Variants in KIF26B observed in about 807,000 individuals in gnomAD.
The protein encoded by KIF26B is kinesin family member 26B.
KIF26B carries 63 observed loss-of-function variants against 151.2 expected under a neutral mutation model. The observed-to-expected ratio is 0.42, with a 90% confidence interval of 0.34 to 0.51. The LOEUF is 0.51. Among genes scored for constraint, KIF26B ranks in the 20% least tolerant of loss-of-function variants. The probability of loss-of-function intolerance (pLI) is 0.07; values close to 1 mark genes in which losing one functional copy is unlikely to be tolerated. For synonymous variants in KIF26B, 1,357 were observed against 1,262.1 expected (o/e 1.08, Z -1.59); for missense variants, 2,813 against 2,913.6 (o/e 0.97, Z 0.79).
chr1:245,266,554 G>A (rs760173833), intron 2 of KIF26B, among the ~76,000 whole-genome samples: 3 of 149,754 alleles, frequency 2.0e-5, no homozygotes, highest in African/African-American at 7.4e-5. Flanking sequence ...TGTCACCCAC[G>A]CGGAGTGCAG....
intron 4 of KIF26B, among the ~76,000 whole-genome samples, chr1:245,483,102 T>G (rs1246478600): frequency 6.6e-6 from 1 of 151,732 alleles, no homozygotes; most frequent in Non-Finnish European, 1.5e-5. Flanking sequence ...CTGGGTCGTC[T>G]TCTTTTGCAT....
At chr1:245,291,996 A>G (rs1671260567) in intron 2 of KIF26B, among the ~76,000 whole-genome samples, 1 of 152,150 alleles carries the variant, frequency 6.6e-6, no homozygotes, top group Admixed American at 6.6e-5. Flanking sequence ...AGATGACTGG[A>G]AAGCTGTTGA....
chr1:245,424,510 T>C (rs369158570), intron 4 of KIF26B, among the ~76,000 whole-genome samples: 4 of 152,334 alleles, frequency 2.6e-5, no homozygotes, highest in South Asian at 2.1e-4. Flanking sequence ...GCCTGTGTTT[T>C]TAAATGCTTA....
rs1367060560 is a variant in KIF26B, at chr1:245,170,805, A to C, written c.465+14122A>C. Reference sequence around the variant, plus strand: ...CCATCACTTTGGGGGTTAGGTTTCAACATGATTTTGGGGAGAACATAAGCG... The same window carrying C: ...CCATCACTTTGGGGGTTAGGTTTCACCATGATTTTGGGGAGAACATAAGCG... On this transcript the variant is annotated intron_variant, in intron 2 of 14. Transcript: ENST00000407071. The surrounding 1 kb of genome is among the most constrained non-coding windows in gnomAD (Gnocchi z 4.4). Among the ~76,000 whole-genome samples, 1 of 151,840 alleles carries C rather than the reference A, an allele frequency of 6.6e-6. No individual in the cohort carries two copies. Among genetic ancestry groups the C allele is most frequent in the Non-Finnish European group, 1.5e-5 (1 of 67,748 alleles).
Position 245,687,718 on chromosome 1 carries a change from G to C in KIF26B, c.4735G>C (p.Gly1579Arg), listed in dbSNP as rs982606329. The change falls in exon 12 of 15, where the codon GGG (glycine) becomes CGG (arginine). Residue 1579 changes from glycine (G) to arginine (R), a missense_variant. Around this residue, in one of 3 missense-constraint regions of KIF26B, gnomAD observed 2,060 missense variants for 2,088.6 expected, o/e 0.99. Transcript: ENST00000407071. The surrounding 1 kb of genome is among the most constrained non-coding windows in gnomAD (Gnocchi z 4.9). ...CCCGCCCTCCAAGGCTACCCTGGAG[G>C]GGAAGGTGGCTTCCCCCAAGCACTG... ...GTPPSKATLE[G>R]KVASPKHCVL... 1.9e-6 allele frequency: 3 copies of C among 1,580,334 alleles called. No individual in the cohort carries two copies. The highest frequency in any genetic ancestry group is 2.6e-6 in the Non-Finnish European group (3 of 1,163,568).
intron 2 of KIF26B, among the ~76,000 whole-genome samples, chr1:245,322,802 A>G (rs1225967100): frequency 1.3e-5 from 2 of 152,234 alleles, no homozygotes; most frequent in Non-Finnish European, 2.9e-5. Flanking sequence ...AAGGTAACCG[A>G]GGGTCAGATA....
chr1:245,366,756 G>T, intron 2 of KIF26B, 78 bp from the exon 3 acceptor site: 1 of 1,427,380 alleles, frequency 7.0e-7, no homozygotes, highest in Non-Finnish European at 9.7e-7. Context: ...GGGTTTGACT[G>T]GTAAGCCAGG....
rs566000029 is a variant in KIF26B at position 245,155,626 on chromosome 1, G to A, written c.63+139G>A. Reference sequence around the variant, plus strand: ...GCCCCCGGGGCTGGCGGGGTTGTGAGTGCGCGGAGGCGGGTCGGCCGCGGG... The same window carrying A: ...GCCCCCGGGGCTGGCGGGGTTGTGAATGCGCGGAGGCGGGTCGGCCGCGGG... On this transcript the variant is annotated intron_variant, in intron 1 of 14. Coordinates refer to ENST00000407071, the MANE Select transcript of KIF26B (RefSeq NM_018012.4). 35 of 705,048 alleles carry A rather than the reference G, an allele frequency of 5.0e-5. No homozygotes were observed. The South Asian group carries it at 7.0e-4, about 14-fold the overall frequency. 43.7% of individuals were successfully genotyped at this position (705,048 alleles called of 1,614,324 possible). A position where few individuals can be genotyped will look rare whatever the true frequency, so the allele number is the denominator to read the frequency against.
At chr1:245,450,327 C>T (rs566715898) in intron 4 of KIF26B, among the ~76,000 whole-genome samples, 4 of 152,252 alleles carry the variant, frequency 2.6e-5, no homozygotes, top group African/African-American at 7.2e-5. Context: ...CACTGACATT[C>T]GTTGACTGGG....
rs1553287299 is a variant in KIF26B at position 245,552,122 on chromosome 1, G to GATGTGTGTGTGTGTGTGTGTGTGT, written c.1350+11172_1350+11173insATGTGTGTGTGTGTGTGTGTGTGT. ...TTCTCCAGAGAAACAGAACCAGCAG[G>GATGTGTGTGTGTGTGTGTGTGTGT]GTGTGTGTGTGTGTGTGTGTGTGTG... is the stretch of plus-strand genomic sequence containing the variant. On this transcript the variant is annotated intron_variant, in intron 5 of 14. Transcript: ENST00000407071. 4.6e-5 allele frequency among the ~76,000 whole-genome samples: 6 copies of GATGTGTGTGTGTGTGTGTGTGTGT among 131,614 alleles called. 1 individual carries two copies. The highest frequency in any genetic ancestry group is 6.5e-5 in the Non-Finnish European group (4 of 61,554). The allele number at this position is 131,614 out of a possible 152,430, so 86.3% of individuals were successfully genotyped here. A position where few individuals can be genotyped will look rare whatever the true frequency, so the allele number is the denominator to read the frequency against.
chr1:245,577,342 C>T (rs1410376483), intron 5 of KIF26B, among the ~76,000 whole-genome samples: 1 of 152,146 alleles, frequency 6.6e-6, no homozygotes, highest in East Asian at 1.9e-4. Flanking sequence ...TAAGTCATAA[C>T]AGAGTCAGGC....
rs1299886473 is a variant in KIF26B, at chr1:245,540,092, G to T, written c.1167-675G>T. Among the ~76,000 whole-genome samples the T allele has an allele frequency of 6.6e-6, 1 of 152,080 alleles. No individual in the cohort carries two copies. Among genetic ancestry groups the T allele is most frequent in the African/African-American group, 2.4e-5 (1 of 41,404 alleles). On this transcript the variant is annotated intron_variant, in intron 4 of 14. Transcript: ENST00000407071. This position sits in a 1 kb window ranked among gnomAD's most constrained non-coding sequence, Gnocchi z 4.6. ...CACTCTGTGCCCCCTTCAGTGCTTT[G>T]ACCCCTTACTCCTCGCACTTGACCA...
At chr1:245,255,547 G>A (rs1193239945) in intron 2 of KIF26B, among the ~76,000 whole-genome samples, 1 of 152,174 alleles carries the variant, frequency 6.6e-6, no homozygotes, top group Non-Finnish European at 1.5e-5. Flanking sequence ...TGATTTGTAT[G>A]TTTTTTGCTT....
intron 2 of KIF26B, among the ~76,000 whole-genome samples, chr1:245,339,592 A>G (rs1672298229): frequency 6.6e-6 from 1 of 152,242 alleles, no homozygotes; most frequent in South Asian, 2.1e-4. Context: ...TGGGATGTGG[A>G]AGTAAGTGCC....
intron 2 of KIF26B, among the ~76,000 whole-genome samples, chr1:245,195,604 G>A (rs751588735): frequency 2.0e-5 from 3 of 152,160 alleles, no homozygotes; most frequent in Non-Finnish European, 2.9e-5. Context: ...GCAACAGCTG[G>A]CTCTTCTTTG....
At chr1:245,657,637 T>C (rs190304480) in intron 10 of KIF26B, among the ~76,000 whole-genome samples, 96 of 152,200 alleles carry the variant, frequency 6.3e-4, no homozygotes, top group African/African-American at 2.0e-3. Flanking sequence ...AGAAACTACA[T>C]AGAGATGACT....
intron 4 of KIF26B, among the ~76,000 whole-genome samples, chr1:245,497,452 A>G (rs1660536671): frequency 6.6e-6 from 1 of 151,968 alleles, no homozygotes; most frequent in South Asian, 2.1e-4. Context: ...TTTTTTTTTG[A>G]CCAGAGAGAA....
intron 4 of KIF26B, among the ~76,000 whole-genome samples, chr1:245,498,528 G>C (rs375683077): frequency 4.6e-5 from 7 of 152,180 alleles, no homozygotes; most frequent in Admixed American, 4.6e-4. Context: ...CAATCAGAGC[G>C]TGCATATAAG....
At chr1:245,633,037 T>C (rs1426589610) in intron 9 of KIF26B, among the ~76,000 whole-genome samples, 1 of 152,224 alleles carries the variant, frequency 6.6e-6, no homozygotes, top group Non-Finnish European at 1.5e-5. Context: ...ACTGCATATA[T>C]ATTTACAATT....
Sources: gnomAD v4.1 joint callset for allele counts (sites outside exome capture counted in the v4.1 genomes callset) on GRCh38, gnomAD v4.1.1 for gene constraint, gnomAD v4.1.1 regional missense constraint, Gnocchi (gnomAD v3.1) non-coding constraint, MANE v1.5 for transcripts, NCBI Gene and HGNC (gene_info 2026-07-23, HGNC 2026-07-21) for gene names.